AMPH: variants seen among roughly 807,000 people sequenced by gnomAD.
The protein encoded by AMPH is amphiphysin.
A neutral mutation model predicts 99.1 loss-of-function variants in AMPH; 49 were observed. That is an observed-to-expected ratio of 0.49 (90% CI 0.39 to 0.63). AMPH has a LOEUF of 0.63. Ranked by LOEUF, AMPH falls within the 20% of genes least tolerant of loss-of-function variation. The pLI is 0.00. For missense variants in AMPH, 759 were observed against 863.4 expected (o/e 0.88, Z 1.52); for synonymous variants, 314 against 317.3 (o/e 0.99, Z 0.11).
intron 1 of AMPH, among the ~76,000 whole-genome samples, chr7:38,582,523 T>TGACATA (rs1792503867): frequency 6.6e-6 from 1 of 152,220 alleles, no homozygotes; most frequent in Non-Finnish European, 1.5e-5. Flanking sequence ...TGTTCAAAGA[T>TGACATA]TCCATGACAT....
chr7:38,392,990 T>C (rs1323599682), intron 18 of AMPH, among the ~76,000 whole-genome samples: 2 of 152,152 alleles, frequency 1.3e-5, no homozygotes, highest in South Asian at 2.1e-4. Context: ...AAGATGAGCA[T>C]GGAGGGGAGT....
chr7:38,467,696 G>GTA (rs10589115), intron 7 of AMPH, among the ~76,000 whole-genome samples: 38 of 150,386 alleles, frequency 2.5e-4, no homozygotes, highest in South Asian at 4.2e-4. Context: ...ATATATATGT[G>GTA]TATATATATA....
At chr7:38,569,253 T>C (rs1047104289) in intron 1 of AMPH, among the ~76,000 whole-genome samples, 1 of 151,966 alleles carries the variant, frequency 6.6e-6, no homozygotes, top group Admixed American at 6.6e-5. Flanking sequence ...CTTATCTTTT[T>C]CTACTGTTTA....
chr7:38,624,004 G>C (rs1482578115), intron 1 of AMPH, among the ~76,000 whole-genome samples: 1 of 152,102 alleles, frequency 6.6e-6, no homozygotes, highest in Non-Finnish European at 1.5e-5. Context: ...AATCCATAAG[G>C]GTAATTACAT....
intron 15 of AMPH, among the ~76,000 whole-genome samples, chr7:38,424,487 T>C (rs912700076): frequency 5.3e-5 from 8 of 151,882 alleles, no homozygotes; most frequent in African/African-American, 1.5e-4. Context: ...TTATTGGAAA[T>C]TGAAAAAATT....
At chr7:38,426,864 C>T in intron 15 of AMPH, 90 bp downstream of exon 15, 1 of 1,196,306 alleles carries the variant, frequency 8.4e-7, no homozygotes, top group Non-Finnish European at 1.2e-6. Flanking sequence ...AATCATTACG[C>T]TATACTAGTG....
chr7:38,554,305 C>T (rs1444175831), intron 1 of AMPH, among the ~76,000 whole-genome samples: 1 of 152,172 alleles, frequency 6.6e-6, no homozygotes, highest in Non-Finnish European at 1.5e-5. Context: ...CTGTCTGCTC[C>T]ATGTGTATGT....
chr7:38,622,454 T>C (rs887746363), intron 1 of AMPH, among the ~76,000 whole-genome samples: 12 of 149,732 alleles, frequency 8.0e-5, no homozygotes, highest in African/African-American at 2.5e-4. Flanking sequence ...TATGAATACA[T>C]ACACACACAC....
intron 1 of AMPH, among the ~76,000 whole-genome samples, chr7:38,560,256 C>T (rs1791508664): frequency 6.6e-6 from 1 of 152,212 alleles, no homozygotes; most frequent in African/African-American, 2.4e-5. Context: ...GGGCCCTCCT[C>T]TCTGTGGACA....
intron 1 of AMPH, among the ~76,000 whole-genome samples, chr7:38,593,719 TA>T (rs1201538436): frequency 6.6e-6 from 1 of 152,204 alleles, no homozygotes; most frequent in East Asian, 1.9e-4. Flanking sequence ...GATCTGGGGA[TA>T]CAGTAGTACA....
At chr7:38,437,548 G>A (rs11761074) in intron 11 of AMPH, among the ~76,000 whole-genome samples, 47,009 of 149,446 alleles carry the variant, frequency 0.31, 8,448 homozygotes, top group Non-Finnish European at 0.42. Flanking sequence ...TTGGGAGGCC[G>A]AGGTGGGCAG....
At chr7:38,388,635 T>C (rs1237953652) in intron 20 of AMPH, among the ~76,000 whole-genome samples, 1 of 151,986 alleles carries the variant, frequency 6.6e-6, no homozygotes, top group Non-Finnish European at 1.5e-5. Context: ...AGATATATTA[T>C]TGTTATTAAT....
At chr7:38,470,353 T>C (rs1787836321) in intron 7 of AMPH, among the ~76,000 whole-genome samples, 1 of 152,190 alleles carries the variant, frequency 6.6e-6, no homozygotes, top group African/African-American at 2.4e-5. Context: ...CCAATGCCTA[T>C]AATCAAGCTT....
At chr7:38,522,898 G>A (rs1790023325) in intron 2 of AMPH, among the ~76,000 whole-genome samples, 1 of 152,076 alleles carries the variant, frequency 6.6e-6, no homozygotes, top group Admixed American at 6.5e-5. Context: ...CACAAGGTTA[G>A]GAGTTCGAGA....
chr7:38,557,361 G>A (rs1791403410), intron 1 of AMPH, among the ~76,000 whole-genome samples: 1 of 152,180 alleles, frequency 6.6e-6, no homozygotes, highest in Non-Finnish European at 1.5e-5. Flanking sequence ...CACATTTTGT[G>A]AGAGAGATGA....
chr7:38,540,396 C>T (rs1367827808), intron 1 of AMPH, among the ~76,000 whole-genome samples: 1 of 152,032 alleles, frequency 6.6e-6, no homozygotes, highest in Non-Finnish European at 1.5e-5. Flanking sequence ...CTCCAACCCT[C>T]ACCCCAAGCT....
At chr7:38,561,372 T>C (rs1219102776) in intron 1 of AMPH, among the ~76,000 whole-genome samples, 2 of 152,168 alleles carry the variant, frequency 1.3e-5, no homozygotes, top group African/African-American at 4.8e-5. Context: ...GAAAGTGTCA[T>C]ATGTACAGCC....
At chr7:38,538,739 G>C (rs1176950225) in intron 1 of AMPH, among the ~76,000 whole-genome samples, 2 of 152,188 alleles carry the variant, frequency 1.3e-5, no homozygotes, top group African/African-American at 4.8e-5. Context: ...AGTACATAAT[G>C]GCTTATGGGA....
At chr7:38,571,084 T>G in intron 1 of AMPH, among the ~76,000 whole-genome samples, 1 of 49,318 alleles carries the variant, frequency 2.0e-5, no homozygotes, top group Admixed American at 3.3e-4. Context: ...AATATATATA[T>G]TCATATATTG....
Sources: gnomAD v4.1 joint callset for allele counts (sites outside exome capture counted in the v4.1 genomes callset) on GRCh38, gnomAD v4.1.1 for gene constraint, MANE v1.5 for transcripts, NCBI Gene and HGNC (gene_info 2026-07-23, HGNC 2026-07-21) for gene names.